The following CFAP54 variants were observed in gnomAD, a reference collection of about 807,000 sequenced individuals.
The protein encoded by CFAP54 is cilia- and flagella-associated protein 54.
A neutral mutation model predicts 370.4 loss-of-function variants in CFAP54; 290 were observed. That is an observed-to-expected ratio of 0.78 (90% CI 0.71 to 0.86). The LOEUF (loss-of-function observed/expected upper bound fraction) is 0.86, where lower values mean the gene tolerates loss of function less well. Ranked by LOEUF, CFAP54 falls within the 40% of genes least tolerant of loss-of-function variation. CFAP54 has a pLI of 0.00. For synonymous variants in CFAP54, 1,206 were observed against 1,236.5 expected (o/e 0.98, Z 0.52); for missense variants, 3,399 against 3,528.7 (o/e 0.96, Z 0.93).
chr12:96,533,914 A>T lies in CFAP54; in HGVS notation c.1480A>T (p.Thr494Ser). 6.5e-7 allele frequency: 1 copy of T among 1,534,832 alleles called. No individual in the cohort carries two copies. The highest frequency in any genetic ancestry group is 1.4e-5 in the African/African-American group (1 of 73,084). ...TGTGAAATTTATAAAATTAGCTTTT[A>T]CCTATGAGGAGTGGAGTTTATTTGA... ...AAVKFIKLAF[T>S]YEEWSLFESS... The change falls in exon 10 of 68, where the codon ACC becomes TCC. Residue 494 changes from threonine to serine, a missense_variant. Physicochemically the swap from Thr to Ser is moderately conservative, Grantham distance 58. Transcript: ENST00000524981.
intron 27 of CFAP54, among the ~76,000 whole-genome samples, 154 bp downstream of exon 27, chr12:96,621,875 G>GTTTTTTTTTTTTTTTTTTTTTTTTTT (rs71068819): frequency 4.0e-5 from 2 of 50,022 alleles, no homozygotes; most frequent in Non-Finnish European, 6.6e-5. Flanking sequence ...TTTTGGGTTT[G>GTTTTTTTTTTTTTTTTTTTTTTTTTT]TTTTTTTTTT....
At position 96,489,697 on chromosome 12, in the gene CFAP54, G is replaced by A. The variant is rs1179784167; in HGVS notation, c.88G>A (p.Ala30Thr). The part of the protein sequence containing the change: ...SLPELPPTST[A>T]TSRSPPESKG... ...GCCAGAACTGCCGCCGACCTCCACCGCGACTTCGAGGTCGCCCCCAGAGTC... is the reference window on the plus strand; with the variant it reads ...GCCAGAACTGCCGCCGACCTCCACCACGACTTCGAGGTCGCCCCCAGAGTC... The change falls in exon 1 of 68, where the codon GCG becomes ACG. Residue 30 changes from alanine (A) to threonine (T), a missense_variant. This residue lies in a region of CFAP54 where 559 missense variants were observed against 576.7 expected (regional missense o/e 0.97). Transcript: ENST00000524981. 2 of 1,535,928 alleles carry A rather than the reference G, an allele frequency of 1.3e-6. No individual in the cohort carries two copies. The highest frequency in any genetic ancestry group is 1.2e-5 in the South Asian group (1 of 84,058).
chr12:96,801,157 G>A (rs564016599), intron 63 of CFAP54, among the ~76,000 whole-genome samples: 2 of 152,290 alleles, frequency 1.3e-5, no homozygotes, highest in East Asian at 3.9e-4. Flanking sequence ...GATGCTGGTG[G>A]CAGCAGAGTT....
rs1411338024 is a variant in CFAP54, at chr12:96,503,427, CCCTT to C, written c.424-453_424-450del. On this transcript the variant is annotated intron_variant, in intron 2 of 67. Transcript: ENST00000524981. ...TTCCTCTCTCCCTCCCTCCCTCCCT[CCCTT>C]CCTTCTTTCCTTCCTTCCTTTGTTT... is the stretch of plus-strand genomic sequence containing the variant. Among the ~76,000 whole-genome samples, 8 of 140,690 alleles carry C rather than the reference CCCTT, an allele frequency of 5.7e-5. No homozygotes were observed. The South Asian group carries it at 7.1e-4, about 12-fold the overall frequency. 92.3% of individuals were successfully genotyped at this position (140,690 alleles called of 152,430 possible). A position where few individuals can be genotyped will look rare whatever the true frequency, so the allele number is the denominator to read the frequency against.
chr12:96,629,106 C>G (rs1956576434), intron 30 of CFAP54, among the ~76,000 whole-genome samples: 1 of 152,032 alleles, frequency 6.6e-6, no homozygotes, highest in Non-Finnish European at 1.5e-5. Flanking sequence ...AGCAAGGAAG[C>G]TTGTCTAGGG....
intron 2 of CFAP54, among the ~76,000 whole-genome samples, chr12:96,503,467 C>T (rs567752010): frequency 4.2e-5 from 6 of 143,704 alleles, no homozygotes; most frequent in African/African-American, 1.0e-4. Context: ...CTCTCTCGCT[C>T]GCTCGCTCTT....
At chr12:96,575,797 A>G (rs959886335) in intron 19 of CFAP54, among the ~76,000 whole-genome samples, 1 of 152,082 alleles carries the variant, frequency 6.6e-6, no homozygotes, top group African/African-American at 2.4e-5. Context: ...TTTTGCATGT[A>G]ATGTCCAATT....
intron 55 of CFAP54, among the ~76,000 whole-genome samples, chr12:96,752,304 T>G (rs189725096): frequency 2.6e-4 from 39 of 152,346 alleles, no homozygotes; most frequent in African/African-American, 7.0e-4. Context: ...GCATTTTATT[T>G]TTTAGCATTT....
intron 15 of CFAP54, 109 bp from the exon 16 acceptor site, chr12:96,554,073 A>G (rs1955726476): frequency 1.5e-6 from 1 of 656,488 alleles, no homozygotes; most frequent in East Asian, 2.9e-5. Context: ...TGTTAGATAG[A>G]CTATTTAAAT....
At chr12:96,761,317 C>CT (rs1184408555) in intron 58 of CFAP54, among the ~76,000 whole-genome samples, 1 of 151,954 alleles carries the variant, frequency 6.6e-6, no homozygotes, top group Non-Finnish European at 1.5e-5. Context: ...GGTCATTTGT[C>CT]TTTTTTTATC....
At chr12:96,688,663 G>A (rs986853391) in intron 42 of CFAP54, among the ~76,000 whole-genome samples, 1 of 152,008 alleles carries the variant, frequency 6.6e-6, no homozygotes, top group Admixed American at 6.6e-5. Flanking sequence ...GTTTCTCCGT[G>A]TGTATAATTA....
intron 49 of CFAP54, among the ~76,000 whole-genome samples, 181 bp downstream of exon 49, chr12:96,718,703 G>T (rs1957713950): frequency 6.6e-6 from 1 of 152,156 alleles, no homozygotes; most frequent in Non-Finnish European, 1.5e-5. Flanking sequence ...GATGTCCAGT[G>T]GTGTCCAGCT....
chr12:96,726,640 T>G (rs1437882993), intron 50 of CFAP54, among the ~76,000 whole-genome samples: 5 of 152,056 alleles, frequency 3.3e-5, no homozygotes, highest in Non-Finnish European at 7.4e-5. Context: ...CTGGATTCAT[T>G]AATTTTTTGA....
intron 14 of CFAP54, among the ~76,000 whole-genome samples, chr12:96,542,865 C>G (rs1443357483): frequency 6.6e-6 from 1 of 152,186 alleles, no homozygotes; most frequent in Non-Finnish European, 1.5e-5. Context: ...TTAAATCTCT[C>G]TAATCTCTAG....
chr12:96,771,676 AAAC>A (rs1958464445), intron 60 of CFAP54, among the ~76,000 whole-genome samples: 1 of 152,048 alleles, frequency 6.6e-6, no homozygotes, highest in African/African-American at 2.4e-5. Flanking sequence ...AACAAACAAA[AAAC>A]AACAAAAAAA....
Position 96,658,214 on chromosome 12 carries a change from G to A in CFAP54, c.5328G>A (p.Glu1776=). Residue 1776 remains glutamate, a synonymous_variant, in exon 38 of 68, where the codon GAG becomes GAA. Coordinates refer to ENST00000524981, the MANE Select transcript of CFAP54 (RefSeq NM_001306084.2). ...TGTATTCTTTACCCCTGTCTAGTGAGAGGTATACAGAACAAGTGACACCAC... is the reference window on the plus strand; with the variant it reads ...TGTATTCTTTACCCCTGTCTAGTGAAAGGTATACAGAACAAGTGACACCAC... ...LAIQFNTVSH[E]RYTEQVTPLL... 6.2e-7 allele frequency: 1 copy of A among 1,613,706 alleles called. No individual in the cohort carries two copies. The highest frequency in any genetic ancestry group is 1.1e-5 in the South Asian group (1 of 90,994).
chr12:96,511,409 C>T (rs1423249595), intron 4 of CFAP54, among the ~76,000 whole-genome samples: 1 of 152,200 alleles, frequency 6.6e-6, no homozygotes, highest in Non-Finnish European at 1.5e-5. Context: ...ATCTCTGTCA[C>T]CTGGGCTTAG....
intron 63 of CFAP54, among the ~76,000 whole-genome samples, chr12:96,799,928 G>T (rs967979045): frequency 2.6e-5 from 4 of 152,050 alleles, no homozygotes; most frequent in African/African-American, 9.7e-5. Context: ...GATATATATT[G>T]TTAAAAACAA....
Position 96,708,495 on chromosome 12 carries a change from C to T in CFAP54, c.6529-113C>T, listed in dbSNP as rs556994326. On this transcript the variant is annotated intron_variant, in intron 47 of 67. Transcript: ENST00000524981. ...CCTCCCATTTACAATACCCCATGCCCAGCCCTATATCCCTTCATCCAACAC... is the reference window on the plus strand; with the variant it reads ...CCTCCCATTTACAATACCCCATGCCTAGCCCTATATCCCTTCATCCAACAC... The T allele has an allele frequency of 1.5e-4, 126 of 828,430 alleles. No individual in the cohort carries two copies. The East Asian group carries it at 1.9e-3, about 12-fold the overall frequency. The allele number at this position is 828,430 out of a possible 1,614,324, so 51.3% of individuals were successfully genotyped here. A position where few individuals can be genotyped will look rare whatever the true frequency, so the allele number is the denominator to read the frequency against.
Sources: gnomAD v4.1 joint callset for allele counts (sites outside exome capture counted in the v4.1 genomes callset) on GRCh38, gnomAD v4.1.1 for gene constraint, gnomAD v4.1.1 regional missense constraint, MANE v1.5 for transcripts, NCBI Gene and HGNC (gene_info 2026-07-23, HGNC 2026-07-21) for gene names.